TOM1L2: variants seen among roughly 807,000 people sequenced by gnomAD.
TOM1L2 encodes the protein TOM1-like protein 2.
A neutral mutation model predicts 67.9 loss-of-function variants in TOM1L2; 31 were observed. The ratio of observed to expected loss-of-function variants is 0.46; its 90% CI spans 0.34 to 0.62. The LOEUF (loss-of-function observed/expected upper bound fraction) is 0.62. TOM1L2 is among the 20% of genes least tolerant of loss of function. TOM1L2 has a pLI of 0.01. For synonymous variants in TOM1L2, 256 were observed against 254.0 expected, an observed-to-expected ratio of 1.01 and a Z score of -0.07; for missense variants, 606 against 663.5, an observed-to-expected ratio of 0.91 and a Z score of 0.95.
chr17:17,903,937 T>C (rs544205191), intron 2 of TOM1L2, among the ~76,000 whole-genome samples: 1 of 151,586 alleles, frequency 6.6e-6, no homozygotes, highest in African/African-American at 2.4e-5. Flanking sequence ...AAGGGGTGGG[T>C]GGGGTGCCCT....
chr17:17,866,756 CT>C, intron 9 of TOM1L2, 119 bp downstream of exon 9: 1 of 1,061,224 alleles, frequency 9.4e-7, no homozygotes, highest in East Asian at 2.4e-5. Flanking sequence ...CAGAGCTTGC[CT>C]CTTCAATTTC....
At chr17:17,893,514 T>C (rs1009557410) in intron 4 of TOM1L2, 147 bp downstream of exon 4, 1 of 792,744 alleles carries the variant, frequency 1.3e-6, no homozygotes, top group Non-Finnish European at 1.9e-6. Context: ...GGATGAGAAT[T>C]TTTTTTGAAG....
At chr17:17,955,387 G>A (rs1435993155) in intron 1 of TOM1L2, among the ~76,000 whole-genome samples, 1 of 142,278 alleles carries the variant, frequency 7.0e-6, no homozygotes, top group Non-Finnish European at 1.5e-5. Flanking sequence ...TCGCCAGGCT[G>A]GAGTACAGTG....
chr17:17,969,134 G>A (rs1287535773), intron 1 of TOM1L2, among the ~76,000 whole-genome samples: 1 of 149,588 alleles, frequency 6.7e-6, no homozygotes, highest in Non-Finnish European at 1.5e-5. Flanking sequence ...TTGGCTCACT[G>A]CAACCTCTGC....
intron 6 of TOM1L2, 69 bp from the exon 7 acceptor site, chr17:17,879,812 T>C: frequency 7.7e-7 from 1 of 1,297,594 alleles, no homozygotes; most frequent in African/African-American, 1.4e-5. Context: ...AATATCAGAA[T>C]CAGCTTGCTC....
intron 1 of TOM1L2, among the ~76,000 whole-genome samples, chr17:17,960,257 CCAG>C (rs2041627854): frequency 6.6e-6 from 1 of 152,226 alleles, no homozygotes; most frequent in Non-Finnish European, 1.5e-5. Context: ...GTTAAGAGCA[CCAG>C]CTCTGCTGCC....
At chr17:17,883,670 C>T (rs1359674903) in intron 5 of TOM1L2, among the ~76,000 whole-genome samples, 1 of 152,080 alleles carries the variant, frequency 6.6e-6, no homozygotes, top group Non-Finnish European at 1.5e-5. Context: ...GAAGGCGGAG[C>T]GTGCAGTGAG....
intron 2 of TOM1L2, among the ~76,000 whole-genome samples, chr17:17,901,545 G>T (rs1332753570): frequency 6.6e-6 from 1 of 152,164 alleles, no homozygotes; most frequent in Non-Finnish European, 1.5e-5. Flanking sequence ...CACAGCCTTT[G>T]TATCTTTGTC....
At chr17:17,885,445 C>G (rs2037944867) in intron 4 of TOM1L2, among the ~76,000 whole-genome samples, 1 of 152,208 alleles carries the variant, frequency 6.6e-6, no homozygotes, top group African/African-American at 2.4e-5. Flanking sequence ...GGGTCCTTTT[C>G]CCAGACCCAA....
At chr17:17,851,029 AATC>A (rs1185359933) in intron 12 of TOM1L2, 77 bp from the exon 13 acceptor site, 34 of 1,528,560 alleles carry the variant, frequency 2.2e-5, no homozygotes, top group African/African-American at 2.7e-5. Flanking sequence ...GAACAAAGGA[AATC>A]ATCAACAGCA....
chr17:17,847,936 G>GT lies in TOM1L2; in HGVS notation c.1376-154dup, dbSNP rs529835854. 5.9e-3 allele frequency among the ~76,000 whole-genome samples: 899 copies of GT among 152,232 alleles called. 7 individuals carry two copies. The highest frequency in any genetic ancestry group is 0.018 in the African/African-American group (744 of 41,518). ...TAGGGAGGGGTTCGTGAGCTGCAGT[G>GT]TGGGGGGAGGCTCCTGGCTGTGCCC... On this transcript the variant is annotated intron_variant, in intron 14 of 14. Transcript: ENST00000379504.
At chr17:17,968,641 G>T (rs1345688702) in intron 1 of TOM1L2, among the ~76,000 whole-genome samples, 1 of 150,208 alleles carries the variant, frequency 6.7e-6, no homozygotes, top group African/African-American at 2.5e-5. Flanking sequence ...CTCCAGCCTG[G>T]GTGATGAAGT....
chr17:17,916,167 G>A lies in TOM1L2; in HGVS notation c.53-8636C>T, dbSNP rs139419152. Among the ~76,000 whole-genome samples, 14 of 150,598 alleles carry A rather than the reference G, an allele frequency of 9.3e-5. No individual in the cohort carries two copies. In the East Asian group the frequency reaches 2.5e-3, roughly 27 times the overall value. On this transcript the variant is annotated intron_variant, in intron 1 of 14. Coordinates refer to ENST00000379504, the MANE Select transcript of TOM1L2 (RefSeq NM_001082968.2). ...CAGCTCACTGCAAGCTCTACCTCCT[G>A]GGTTCACGCCCTTCTCCTGCCTCAG...
chr17:17,871,077 T>C (rs1568118129), intron 7 of TOM1L2, among the ~76,000 whole-genome samples: 2 of 152,302 alleles, frequency 1.3e-5, no homozygotes, highest in South Asian at 4.1e-4. Context: ...CTCTAAAGTA[T>C]TCAGAGGCCG....
chr17:17,937,952 C>A (rs953077558), intron 1 of TOM1L2, among the ~76,000 whole-genome samples: 5 of 152,198 alleles, frequency 3.3e-5, no homozygotes, highest in African/African-American at 9.7e-5. Context: ...GAACCACACT[C>A]CATTCCTGCC....
At chr17:17,870,592 C>T (rs1282267195) in intron 7 of TOM1L2, among the ~76,000 whole-genome samples, 1 of 152,216 alleles carries the variant, frequency 6.6e-6, no homozygotes, top group Non-Finnish European at 1.5e-5. Flanking sequence ...ATAAGTCTCT[C>T]CTTCTCACAG....
In TOM1L2 at chr17:17,884,590, G is replaced by C. The variant is rs200485753; in HGVS notation, c.501+44C>G. The C allele has an allele frequency of 4.3e-6, 7 of 1,611,902 alleles. No individual in the cohort carries two copies. In the Admixed American group the frequency reaches 1.0e-4, roughly 23 times the overall value. On this transcript the variant is annotated intron_variant, in intron 5 of 14. Coordinates refer to ENST00000379504, the MANE Select transcript of TOM1L2 (RefSeq NM_001082968.2). ...GTGGCTGCAGCAGCTTGGCTCACCC[G>C]TTCTGCAGTAGGTCTTTCTAGAAAG...
chr17:17,954,322 T>G (rs1888222017), intron 1 of TOM1L2, among the ~76,000 whole-genome samples: 1 of 151,358 alleles, frequency 6.6e-6, no homozygotes, highest in African/African-American at 2.4e-5. Context: ...CTTTTTTTTT[T>G]TTTTTTTGTG....
chr17:17,877,024 C>T (rs755205741), intron 7 of TOM1L2, among the ~76,000 whole-genome samples: 1 of 152,182 alleles, frequency 6.6e-6, no homozygotes, highest in Non-Finnish European at 1.5e-5. Context: ...TCTGGGCACC[C>T]TTCCTTCCTT....
Sources: allele counts gnomAD v4.1 joint callset (sites outside exome capture counted in the v4.1 genomes callset), GRCh38; gene constraint gnomAD v4.1.1; transcripts MANE v1.5; gene names NCBI Gene and HGNC (gene_info 2026-07-23, HGNC 2026-07-21).